LRRC27: variants seen among roughly 807,000 people sequenced by gnomAD.
LRRC27 encodes the protein leucine-rich repeat-containing protein 27.
A neutral mutation model predicts 55.0 loss-of-function variants in LRRC27; 57 were observed. That is an observed-to-expected ratio of 1.04 (90% confidence interval 0.84 to 1.29). The LOEUF is 1.29. Ranked by LOEUF, LRRC27 falls within the 50% of genes most tolerant of loss-of-function variation. The pLI is 0.00. For synonymous variants in LRRC27, 278 were observed against 251.9 expected (o/e 1.10, Z -0.98); for missense variants, 721 against 651.5 (o/e 1.11, Z -1.16).
At chr10:132,353,468 A>G (rs950979954) in intron 7 of LRRC27, 1 of 951,008 alleles carries the variant, frequency 1.1e-6, no homozygotes, top group Non-Finnish European at 1.3e-6. Context: ...AGATTCTGTG[A>G]TTGTCCACAG....
At chr10:132,330,128 G>C (rs1418646668), upstream of LRRC27, among the ~76,000 whole-genome samples, 1 of 152,188 alleles carries the variant, frequency 6.6e-6, no homozygotes, top group East Asian at 1.9e-4. Context: ...TTGCCAAAAG[G>C]CTACCAATGG....
At position 132,347,835 on chromosome 10, in the gene LRRC27, G is replaced by C. The variant is rs748756375; in HGVS notation, c.554-149G>C. 3.1e-5 allele frequency: 31 copies of C among 986,584 alleles called. No individual in the cohort carries two copies. The East Asian group carries it at 7.5e-4, about 24-fold the overall frequency. 61.1% of individuals were successfully genotyped at this position (986,584 alleles called of 1,614,324 possible). On this transcript the variant is annotated intron_variant, in intron 5 of 10. Coordinates refer to ENST00000368614, the MANE Select transcript of LRRC27 (RefSeq NM_030626.3). ...TGGTGCAGGTGGCAGGTGGGGTGAC[G>C]GGAATTGTTTGGATTGACAGGGAAC... is the stretch of plus-strand genomic sequence containing the variant.
At chr10:132,352,755 G>A (rs371969479) in intron 7 of LRRC27, 2 of 995,302 alleles carry the variant, frequency 2.0e-6, no homozygotes, top group African/African-American at 1.6e-5. Flanking sequence ...GCAGCCCCGA[G>A]GCCTCCCTGT....
chr10:132,344,318 G>A (rs1395335459), intron 4 of LRRC27, among the ~76,000 whole-genome samples, 180 bp from the exon 5 acceptor site: 3 of 152,160 alleles, frequency 2.0e-5, no homozygotes, highest in African/African-American at 7.2e-5. Context: ...TTAATTTGCG[G>A]AATCCGTCTC....
At chr10:132,364,393 C>G (rs61864513) in intron 9 of LRRC27, among the ~76,000 whole-genome samples, 2,257 of 8,432 alleles carry the variant, frequency 0.27, 335 homozygotes, top group African/African-American at 0.41. Context: ...TTACACCCAC[C>G]CTTACATCTA....
chr10:132,369,896 G>T (rs1445437500), intron 10 of LRRC27, among the ~76,000 whole-genome samples: 2 of 152,122 alleles, frequency 1.3e-5, no homozygotes, highest in Non-Finnish European at 2.9e-5. Flanking sequence ...AGAGCAGTGG[G>T]GCCATGAGAC....
At chr10:132,371,709 A>C (rs2069221401) in intron 10 of LRRC27, among the ~76,000 whole-genome samples, 1 of 152,184 alleles carries the variant, frequency 6.6e-6, no homozygotes, top group Non-Finnish European at 1.5e-5. Context: ...TCCGGCCGGC[A>C]GGATGTGAGC....
At chr10:132,366,238 T>G (rs1164470265) in intron 10 of LRRC27, 39 of 153,726 alleles carry the variant, frequency 2.5e-4, no homozygotes, top group Admixed American at 2.5e-3. Flanking sequence ...GGGGCGTCAC[T>G]GCAGAGAGGG....
At chr10:132,330,672 ATT>A (rs57850207), upstream of LRRC27, among the ~76,000 whole-genome samples, 49,241 of 126,834 alleles carry the variant, frequency 0.39, 9,212 homozygotes, top group African/African-American at 0.46. Flanking sequence ...CACACCCAGC[ATT>A]TTTTTTTTTT....
At chr10:132,373,510 G>A (rs985230421) in intron 10 of LRRC27, among the ~76,000 whole-genome samples, 6 of 152,182 alleles carry the variant, frequency 3.9e-5, no homozygotes, top group Non-Finnish European at 8.8e-5. Flanking sequence ...GGAGCTGGTC[G>A]CGGTGATGGC....
chr10:132,337,063 C>T lies in LRRC27; in HGVS notation c.211-502C>T, dbSNP rs1349786490. ...CGCTGAGGCTTTGTTTGCTGCTGATCGTAGAGAACACCACGGCAGACATCT... is the reference window on the plus strand; with the variant it reads ...CGCTGAGGCTTTGTTTGCTGCTGATTGTAGAGAACACCACGGCAGACATCT... On this transcript the variant is annotated intron_variant, in intron 2 of 10. Transcript: ENST00000368614. 21 of 1,292,720 alleles carry T rather than the reference C, an allele frequency of 1.6e-5. No individual in the cohort carries two copies. The South Asian group carries it at 2.2e-4, about 14-fold the overall frequency. 80.1% of individuals were successfully genotyped at this position (1,292,720 alleles called of 1,614,324 possible).
At position 132,348,286 on chromosome 10, in the gene LRRC27, G is replaced by T; in HGVS notation, c.856G>T (p.Glu286Ter). ...TCTGGGAGATCAGCTCTTGACGAGG[G>T]AATTACCTCCAAATCTCAAGGCGGC... ...DVLGDQLLTR[E>*]LPPNLKAALN... is the part of the protein sequence containing the mutation. Residue 286 changes from glutamate to a stop codon, truncating the protein, a stop_gained, in exon 6 of 11, where the codon GAA (glutamate) becomes TAA (stop). Transcript: ENST00000368614. LOFTEE classifies it high-confidence loss of function. This position sits in a 1 kb window ranked among gnomAD's most constrained non-coding sequence, Gnocchi z 4.2. 2 of 1,613,974 alleles carry T rather than the reference G, an allele frequency of 1.2e-6. No homozygotes were observed. Among genetic ancestry groups the T allele is most frequent in the Non-Finnish European group, 1.7e-6 (2 of 1,180,028 alleles).
intron 2 of LRRC27, chr10:132,336,677 G>A (rs1422836308): frequency 2.9e-6 from 2 of 687,588 alleles, no homozygotes; most frequent in African/African-American, 3.6e-5. Context: ...CTGGAGCACA[G>A]AGAGGTTCAG....
At chr10:132,339,441 G>A (rs1590607754) in intron 3 of LRRC27, among the ~76,000 whole-genome samples, 1 of 152,224 alleles carries the variant, frequency 6.6e-6, no homozygotes, top group Admixed American at 6.5e-5. Context: ...AAACACACCC[G>A]GTGCATCTCC....
Position 132,376,031 on chromosome 10 carries a change from A to G in LRRC27, c.*789A>G, listed in dbSNP as rs1448871117. The stretch of plus-strand genomic sequence containing the variant: ...CTTTAACAGAGGTGAGACTATTCAG[A>G]CTTTGTTTATTTTTGTGTTAATTTT... On this transcript the variant is annotated 3_prime_UTR_variant, in exon 11 of 11. Coordinates refer to ENST00000368614, the MANE Select transcript of LRRC27 (RefSeq NM_030626.3). The G allele has an allele frequency of 2.0e-5, 3 of 152,184 alleles. No individual in the cohort carries two copies. The highest frequency in any genetic ancestry group is 3.8e-4 in the East Asian group (2 of 5,196). The allele number at this position is 152,184 out of a possible 1,614,324, so 9.4% of individuals were successfully genotyped here.
intron 3 of LRRC27, among the ~76,000 whole-genome samples, chr10:132,340,746 A>C (rs968095844): frequency 2.0e-5 from 3 of 151,990 alleles, no homozygotes; most frequent in Admixed American, 2.0e-4. Context: ...TGGGCGGATC[A>C]CAAGGTCAGG....
intron 2 of LRRC27, among the ~76,000 whole-genome samples, chr10:132,336,383 C>T (rs1413662254): frequency 6.6e-6 from 1 of 152,214 alleles, no homozygotes; most frequent in East Asian, 1.9e-4. Flanking sequence ...GAGACCGAGC[C>T]AGCTGCCAGC....
chr10:132,347,331 A>C (rs2067754103), intron 5 of LRRC27, among the ~76,000 whole-genome samples: 1 of 137,494 alleles, frequency 7.3e-6, no homozygotes, highest in Non-Finnish European at 1.6e-5. Flanking sequence ...CTGTGTGGGA[A>C]GGTCACGCGT....
intron 4 of LRRC27, 38 bp downstream of exon 4, chr10:132,342,309 T>C: frequency 7.5e-7 from 1 of 1,331,762 alleles, no homozygotes; most frequent in Non-Finnish European, 1.0e-6. Context: ...TTTAAAATGC[T>C]ATCTTTTGAA....
Sources: allele counts gnomAD v4.1 joint callset (sites outside exome capture counted in the v4.1 genomes callset), GRCh38; gene constraint gnomAD v4.1.1; non-coding constraint Gnocchi (gnomAD v3.1); transcripts MANE v1.5; gene names NCBI Gene and HGNC (gene_info 2026-07-23, HGNC 2026-07-21).